CARD19: variants seen among roughly 807,000 people sequenced by gnomAD.
CARD19 encodes the protein caspase recruitment domain-containing protein 19.
Under a neutral mutation model 24.1 loss-of-function variants are expected in CARD19, and 25 were observed. The ratio of observed to expected loss-of-function variants is 1.04; its 90% CI spans 0.76 to 1.45. The LOEUF (loss-of-function observed/expected upper bound fraction) is 1.45. Among genes scored for constraint, CARD19 ranks in the 40% most tolerant of loss-of-function variants. The pLI, the probability that CARD19 is intolerant of heterozygous loss-of-function variation, is 0.00. For missense variants in CARD19, 241 were observed against 247.4 expected (o/e 0.97, Z 0.17); for synonymous variants, 103 against 104.9 (o/e 0.98, Z 0.11).
chr9:93,112,160 T>C, intron 4 of CARD19, 58 bp from the exon 5 acceptor site: 2 of 1,512,974 alleles, frequency 1.3e-6, no homozygotes, highest in Non-Finnish European at 1.8e-6. Flanking sequence ...CCCCCAGGCC[T>C]CAGGACCCCA....
chr9:93,109,721 C>T lies in CARD19; in HGVS notation c.151-847C>T, dbSNP rs1223537875. On this transcript the variant is annotated intron_variant, in intron 2 of 5. Coordinates refer to ENST00000375464, the MANE Select transcript of CARD19 (RefSeq NM_032310.5). ...CCTGGAACTCCTGATCCGCCTGCCT[C>T]AGCCTCCCAAAGTGCTGGGATTATA... 2.6e-5 allele frequency among the ~76,000 whole-genome samples: 4 copies of T among 152,204 alleles called. No homozygotes were observed. In the East Asian group the frequency reaches 7.7e-4, roughly 29 times the overall value.
chr9:93,111,560 G>A (rs1344224132), intron 3 of CARD19: 55 of 1,251,286 alleles, frequency 4.4e-5, no homozygotes, highest in Non-Finnish European at 5.2e-5. Flanking sequence ...CAGCCCTGCA[G>A]GTGGGACTGG....
At chr9:93,102,776 G>A (rs1434961914) in intron 1 of CARD19, among the ~76,000 whole-genome samples, 2 of 151,896 alleles carry the variant, frequency 1.3e-5, no homozygotes, top group East Asian at 1.9e-4. Context: ...GGATTGCATC[G>A]AATCTGTAGA....
At chr9:93,106,308 G>A (rs1263329224) in intron 1 of CARD19, among the ~76,000 whole-genome samples, 2 of 151,134 alleles carry the variant, frequency 1.3e-5, no homozygotes, top group East Asian at 1.9e-4. Context: ...TGGGTGTGGT[G>A]GCTTACACCT....
chr9:93,112,021 A>G, intron 4 of CARD19, 83 bp downstream of exon 4: 1 of 1,517,560 alleles, frequency 6.6e-7, no homozygotes, highest in Non-Finnish European at 8.9e-7. Context: ...TCTCCGCCTC[A>G]GGGGCTTCTC....
intron 1 of CARD19, among the ~76,000 whole-genome samples, chr9:93,100,931 C>T (rs1443338616): frequency 6.6e-6 from 1 of 152,182 alleles, no homozygotes; most frequent in Admixed American, 6.5e-5. Flanking sequence ...GAGTAATATT[C>T]CATTGTACAT....
At chr9:93,106,385 T>C (rs566516908) in intron 1 of CARD19, among the ~76,000 whole-genome samples, 1 of 136,340 alleles carries the variant, frequency 7.3e-6, no homozygotes, top group East Asian at 2.1e-4. Context: ...GACACCAGCC[T>C]GGCCAACATG....
intron 5 of CARD19, 68 bp downstream of exon 5, chr9:93,112,357 C>A (rs1827530941): frequency 1.4e-6 from 2 of 1,412,086 alleles, no homozygotes; most frequent in Admixed American, 2.0e-5. Flanking sequence ...GGGCCCCAGA[C>A]CCTGCCCAAT....
intron 1 of CARD19, among the ~76,000 whole-genome samples, chr9:93,097,270 G>A (rs190350023): frequency 1.8e-4 from 27 of 151,378 alleles, no homozygotes; most frequent in Non-Finnish European, 2.7e-4. Context: ...TCGCTCTCTT[G>A]AGTCTCAGCC....
rs893964307 is a variant in CARD19 at position 93,096,256 on chromosome 9, C to T, written c.-90C>T. ...GAGCACGGCCCGCGGGCGGCGTTCG[C>T]TGGAGCTGGTGGACCGGGCGGCTGA... On this transcript the variant is annotated 5_prime_UTR_variant, in exon 1 of 6. Coordinates refer to ENST00000375464, the MANE Select transcript of CARD19 (RefSeq NM_032310.5). This position sits in a 1 kb window ranked among gnomAD's most constrained non-coding sequence, Gnocchi z 5.4. The T allele has an allele frequency of 5.0e-6, 6 of 1,201,422 alleles. No homozygotes were observed. The highest frequency in any genetic ancestry group is 4.2e-6 in the Non-Finnish European group (4 of 963,224). 74.4% of individuals were successfully genotyped at this position (1,201,422 alleles called of 1,614,324 possible).
rs906589577 is a variant in CARD19 at position 93,096,241 on chromosome 9, C to T, written c.-105C>T. The T allele has an allele frequency of 1.0e-5, 12 of 1,163,298 alleles. No homozygotes were observed. Among genetic ancestry groups the T allele is most frequent in the Non-Finnish European group, 1.2e-5 (11 of 928,848 alleles). The allele number at this position is 1,163,298 out of a possible 1,614,324, so 72.1% of individuals were successfully genotyped here. Reference sequence around the variant, plus strand: ...CCAAAAGGGGCGGGCGAGCACGGCCCGCGGGCGGCGTTCGCTGGAGCTGGT... The same window carrying T: ...CCAAAAGGGGCGGGCGAGCACGGCCTGCGGGCGGCGTTCGCTGGAGCTGGT... On this transcript the variant is annotated 5_prime_UTR_variant, in exon 1 of 6. Coordinates refer to ENST00000375464, the MANE Select transcript of CARD19 (RefSeq NM_032310.5). This position sits in a 1 kb window ranked among gnomAD's most constrained non-coding sequence, Gnocchi z 5.4.
Position 93,107,778 on chromosome 9 carries a change from T to TA in CARD19, c.113dup (p.Tyr38Ter). Residue 38 changes from tyrosine (Y) to a stop codon, truncating the protein, a stop_gained and frameshift_variant, in exon 2 of 6, where the codon TAC becomes TAAC. Transcript: ENST00000375464. LOFTEE classifies it high-confidence loss of function. ...CAGGATCATCCTCCAGCTGAACCGTTACTACCCACAGATCCTTACCAACAA... is the reference window on the plus strand; with the variant it reads ...CAGGATCATCCTCCAGCTGAACCGTTAACTACCCACAGATCCTTACCAACAA... ...VDRIILQLNRYYPQILTNKEA... is the reference protein window; with the variant it reads ...VDRIILQLNR 3 of 1,614,210 alleles carry TA rather than the reference T, an allele frequency of 1.9e-6. No homozygotes were observed. Among genetic ancestry groups the TA allele is most frequent in the Non-Finnish European group, 2.5e-6 (3 of 1,180,032 alleles).
chr9:93,096,895 G>A lies in CARD19; in HGVS notation c.7+543G>A, dbSNP rs1826888255. On this transcript the variant is annotated intron_variant, in intron 1 of 5. Coordinates refer to ENST00000375464, the MANE Select transcript of CARD19 (RefSeq NM_032310.5). This position sits in a 1 kb window ranked among gnomAD's most constrained non-coding sequence, Gnocchi z 5.4. ...CTCTTGGAGTCTCCCAGACTCCTTC[G>A]GTGGTCCACGACGCTCTTGCCCCTG... is the stretch of plus-strand genomic sequence containing the variant. 1.3e-5 allele frequency among the ~76,000 whole-genome samples: 2 copies of A among 150,366 alleles called. No homozygotes were observed. Among genetic ancestry groups the A allele is most frequent in the South Asian group, 2.1e-4 (1 of 4,708 alleles).
At chr9:93,112,454 T>A (rs1173006266) in intron 5 of CARD19, among the ~76,000 whole-genome samples, 165 bp downstream of exon 5, 1 of 152,160 alleles carries the variant, frequency 6.6e-6, no homozygotes, top group East Asian at 1.9e-4. Flanking sequence ...AGAAAGGGGA[T>A]GTGAGGAGGC....
intron 2 of CARD19, chr9:93,109,830 C>T (rs1827391893): frequency 6.6e-6 from 1 of 152,184 alleles, no homozygotes; most frequent in Non-Finnish European, 1.5e-5. Context: ...CAGAAGTTAG[C>T]ACTTATACCA....
intron 3 of CARD19, chr9:93,111,061 G>C: frequency 7.4e-7 from 1 of 1,358,050 alleles, no homozygotes; most frequent in Non-Finnish European, 9.7e-7. Context: ...CTTCATGTCT[G>C]TGTGGACAGC....
chr9:93,101,194 C>T (rs922279104), intron 1 of CARD19, among the ~76,000 whole-genome samples: 4 of 152,056 alleles, frequency 2.6e-5, no homozygotes, highest in Non-Finnish European at 5.9e-5. Flanking sequence ...TCTCGTGCCT[C>T]AGCCCCCTGA....
intron 1 of CARD19, among the ~76,000 whole-genome samples, chr9:93,105,848 A>G (rs764380171): frequency 6.6e-6 from 1 of 152,056 alleles, no homozygotes; most frequent in Non-Finnish European, 1.5e-5. Context: ...GGTGTTGTTG[A>G]AGTCCTGTTT....
Position 93,097,125 on chromosome 9 carries a change from G to A in CARD19, c.7+773G>A, listed in dbSNP as rs1243219083. On this transcript the variant is annotated intron_variant, in intron 1 of 5. Transcript: ENST00000375464. ...CCATGAGGGTGATGGGCTGGTAAGGGACCCCATGGCAGCCCGGCCAGGGAG... is the reference window on the plus strand; with the variant it reads ...CCATGAGGGTGATGGGCTGGTAAGGAACCCCATGGCAGCCCGGCCAGGGAG... Among the ~76,000 whole-genome samples the A allele has an allele frequency of 2.0e-5, 3 of 152,174 alleles. 1 individual carries two copies. Among genetic ancestry groups the A allele is most frequent in the Admixed American group, 2.0e-4 (3 of 15,284 alleles).
Sources: allele counts gnomAD v4.1 joint callset (sites outside exome capture counted in the v4.1 genomes callset), GRCh38; gene constraint gnomAD v4.1.1; non-coding constraint Gnocchi (gnomAD v3.1); transcripts MANE v1.5; gene names NCBI Gene and HGNC (gene_info 2026-07-23, HGNC 2026-07-21).